Variants in RFX8 observed in about 807,000 individuals in gnomAD.
RFX8 encodes regulatory factor X8, also known as DNA-binding protein RFX8.
In RFX8, 46 loss-of-function variants were observed where a neutral mutation model predicts 54.6. The observed-to-expected ratio is 0.84, with a 90% CI of 0.67 to 1.08. The LOEUF is 1.08. RFX8 is among the 50% of genes least tolerant of loss of function. The pLI is 0.00. For missense variants in RFX8, 536 were observed against 562.3 expected (o/e 0.95, Z 0.47); for synonymous variants, 192 against 209.5 (o/e 0.92, Z 0.72).
chr2:101,432,280 G>C (rs957777956), intron 2 of RFX8, among the ~76,000 whole-genome samples: 3 of 152,186 alleles, frequency 2.0e-5, no homozygotes, highest in Non-Finnish European at 2.9e-5. Context: ...AGGGGATTAG[G>C]AGGCAATAAC....
chr2:101,428,904 G>A lies in RFX8; in HGVS notation c.73-6432C>T, dbSNP rs1044098283. 7.0e-5 allele frequency: 75 copies of A among 1,072,446 alleles called. No individual in the cohort carries two copies. In the African/African-American group the frequency reaches 9.3e-4, roughly 13 times the overall value. The allele number at this position is 1,072,446 out of a possible 1,614,324, so 66.4% of individuals were successfully genotyped here. ...AGCTGGATCGAATTAAGCAATCACTGGTATTGCTAGGTCTGGGTCTGTTAT... is the reference window on the plus strand; with the variant it reads ...AGCTGGATCGAATTAAGCAATCACTAGTATTGCTAGGTCTGGGTCTGTTAT... On this transcript the variant is annotated intron_variant, in intron 2 of 11. Transcript: ENST00000428343.
chr2:101,410,593 T>C (rs1339047011), intron 9 of RFX8, 26 bp downstream of exon 9: 1 of 1,281,812 alleles, frequency 7.8e-7, no homozygotes, highest in Non-Finnish European at 1.1e-6. Flanking sequence ...ACACACTTTT[T>C]TTTTTTTTAA....
chr2:101,465,250 C>T (rs1008021234), intron 2 of RFX8, among the ~76,000 whole-genome samples: 5 of 152,184 alleles, frequency 3.3e-5, no homozygotes, highest in South Asian at 2.1e-4. Flanking sequence ...CACTGGCTTA[C>T]CCCTATAATC....
Position 101,430,413 on chromosome 2 carries a change from G to C in RFX8, c.73-7941C>G, listed in dbSNP as rs551498367. On this transcript the variant is annotated intron_variant, in intron 2 of 11. Coordinates refer to ENST00000428343, the MANE Select transcript of RFX8 (RefSeq NM_001145664.2). The stretch of plus-strand genomic sequence containing the variant: ...CTTAAGGAGATAATTAAGGTTAAAT[G>C]AGATCATAAGAATAGGGCCTTAATC... Among the ~76,000 whole-genome samples the C allele has an allele frequency of 2.6e-5, 4 of 152,366 alleles. No homozygotes were observed. In the East Asian group the frequency reaches 7.7e-4, roughly 29 times the overall value.
At chr2:101,461,667 G>C (rs557222408) in intron 2 of RFX8, among the ~76,000 whole-genome samples, 15 of 152,202 alleles carry the variant, frequency 9.9e-5, no homozygotes, top group African/African-American at 2.9e-4. Flanking sequence ...TTAATATAGA[G>C]AGCAAATACA....
rs202220240 is a variant in RFX8, at chr2:101,466,857, G to A, written c.-9C>T. 115 of 1,548,680 alleles carry A rather than the reference G, an allele frequency of 7.4e-5. No homozygotes were observed. The highest frequency in any genetic ancestry group is 6.0e-4 in the South Asian group (50 of 84,002). On this transcript the variant is annotated 5_prime_UTR_variant, in exon 2 of 12. Transcript: ENST00000428343. Reference sequence around the variant, plus strand: ...ACGTAAATCTCATACATGAGACAGCGAGGGACGCTGCACTCTTCGCAAATG... The same window carrying A: ...ACGTAAATCTCATACATGAGACAGCAAGGGACGCTGCACTCTTCGCAAATG...
At chr2:101,441,301 G>A (rs1161508460) in intron 2 of RFX8, among the ~76,000 whole-genome samples, 1 of 152,182 alleles carries the variant, frequency 6.6e-6, no homozygotes, top group Admixed American at 6.5e-5. Context: ...CAATGTGGCA[G>A]TATTGAGAGG....
chr2:101,408,178 G>A (rs1037508277), intron 9 of RFX8, among the ~76,000 whole-genome samples: 1 of 152,144 alleles, frequency 6.6e-6, no homozygotes, highest in Admixed American at 6.5e-5. Flanking sequence ...GATCTCAGTG[G>A]GTTCATCTGA....
intron 9 of RFX8, among the ~76,000 whole-genome samples, chr2:101,407,674 A>G (rs566545360): frequency 8.1e-4 from 123 of 152,170 alleles, no homozygotes; most frequent in African/African-American, 2.6e-3. Flanking sequence ...CCTGGGTGAC[A>G]GAGCAAGACT....
In RFX8 at chr2:101,421,451, G is replaced by A. The variant is rs1439938325; in HGVS notation, c.237+273C>T. ...CTTTATTCAAAATGAGCAGAATTAGGATCTAAAAAATAGCTGAATTTGTAT... is the reference window on the plus strand; with the variant it reads ...CTTTATTCAAAATGAGCAGAATTAGAATCTAAAAAATAGCTGAATTTGTAT... On this transcript the variant is annotated intron_variant, in intron 4 of 11. Coordinates refer to ENST00000428343, the MANE Select transcript of RFX8 (RefSeq NM_001145664.2). The A allele has an allele frequency of 5.3e-6, 6 of 1,136,172 alleles. No individual in the cohort carries two copies. In the African/African-American group the frequency reaches 9.7e-5, roughly 18 times the overall value. 70.4% of individuals were successfully genotyped at this position (1,136,172 alleles called of 1,614,324 possible). A position where few individuals can be genotyped will look rare whatever the true frequency, so the allele number is the denominator to read the frequency against.
intron 5 of RFX8, among the ~76,000 whole-genome samples, chr2:101,418,354 T>C (rs1424222346): frequency 6.6e-6 from 1 of 152,160 alleles, no homozygotes; most frequent in East Asian, 1.9e-4. Context: ...ATGGTTTCCT[T>C]AAAAATAATA....
intron 2 of RFX8, among the ~76,000 whole-genome samples, chr2:101,458,031 C>A (rs1689077938): frequency 6.6e-6 from 1 of 152,090 alleles, no homozygotes; most frequent in Non-Finnish European, 1.5e-5. Context: ...AGGATTGCAA[C>A]CCCTGCTTTT....
chr2:101,438,939 G>A (rs1232430338), intron 2 of RFX8, among the ~76,000 whole-genome samples: 5 of 152,154 alleles, frequency 3.3e-5, no homozygotes, highest in East Asian at 1.9e-4. Context: ...AGCCTCCAGA[G>A]TAGCTGGGAT....
intron 2 of RFX8, among the ~76,000 whole-genome samples, chr2:101,451,689 C>CAAAAAA (rs11441528): frequency 9.0e-6 from 1 of 111,604 alleles, no homozygotes; most frequent in African/African-American, 3.5e-5. Flanking sequence ...AACTCCGTCT[C>CAAAAAA]AAAAAAAAAA....
intron 9 of RFX8, among the ~76,000 whole-genome samples, chr2:101,406,968 C>T (rs189441985): frequency 6.6e-6 from 1 of 152,334 alleles, no homozygotes; most frequent in Non-Finnish European, 1.5e-5. Context: ...TAAGATGCTG[C>T]TGCATGCAGA....
At chr2:101,462,191 G>A (rs6543069) in intron 2 of RFX8, among the ~76,000 whole-genome samples, 5 of 151,950 alleles carry the variant, frequency 3.3e-5, no homozygotes, top group South Asian at 2.1e-4. Flanking sequence ...TTTGGGAGGC[G>A]GAGACGCAGG....
intron 2 of RFX8, among the ~76,000 whole-genome samples, chr2:101,424,736 A>T (rs975276919): frequency 1.7e-4 from 26 of 152,308 alleles, no homozygotes; most frequent in African/African-American, 5.3e-4. Context: ...TGAAGCTGGG[A>T]ACCATCATTC....
chr2:101,436,324 A>G (rs1056327413), intron 2 of RFX8, among the ~76,000 whole-genome samples: 3 of 152,144 alleles, frequency 2.0e-5, no homozygotes, highest in Non-Finnish European at 4.4e-5. Flanking sequence ...CTCTACGACA[A>G]TGCTCTTATT....
chr2:101,462,175 C>T (rs746468503), intron 2 of RFX8, among the ~76,000 whole-genome samples: 2 of 152,148 alleles, frequency 1.3e-5, no homozygotes, highest in Non-Finnish European at 2.9e-5. Context: ...CCTGTAATCC[C>T]AGCACTTTGG....
Sources: allele counts gnomAD v4.1 joint callset (sites outside exome capture counted in the v4.1 genomes callset), GRCh38; gene constraint gnomAD v4.1.1; transcripts MANE v1.5; gene names NCBI Gene and HGNC (gene_info 2026-07-23, HGNC 2026-07-21).